Variants in PIGK observed in about 807,000 individuals in gnomAD.
PIGK encodes GPI-anchor transamidase.
Under a neutral mutation model 50.6 loss-of-function variants are expected in PIGK, and 42 were observed. The ratio of observed to expected loss-of-function variants is 0.83; its 90% CI spans 0.65 to 1.07. The LOEUF is 1.07. Ranked by LOEUF, PIGK falls within the 50% of genes least tolerant of loss-of-function variation. The probability of loss-of-function intolerance (pLI) is 0.00; values close to 1 mark genes in which losing one functional copy is unlikely to be tolerated. For synonymous variants in PIGK, 151 were observed against 156.0 expected (o/e 0.97, Z 0.24); for missense variants, 448 against 488.7 (o/e 0.92, Z 0.78).
At chr1:77,140,202 T>C (rs533011740) in intron 9 of PIGK, among the ~76,000 whole-genome samples, 8 of 151,996 alleles carry the variant, frequency 5.3e-5, no homozygotes, top group Non-Finnish European at 1.0e-4. Context: ...CCGCAAGATA[T>C]GGTCGTTTAA....
intron 3 of PIGK, among the ~76,000 whole-genome samples, chr1:77,185,589 G>A (rs1655721302): frequency 6.6e-6 from 1 of 152,088 alleles, no homozygotes; most frequent in Non-Finnish European, 1.5e-5. Context: ...GATTTTGGAG[G>A]CAACACATTC....
At chr1:77,145,260 AT>A (rs1166009118) in intron 9 of PIGK, among the ~76,000 whole-genome samples, 1 of 151,936 alleles carries the variant, frequency 6.6e-6, no homozygotes, top group East Asian at 1.9e-4. Context: ...AATATATACT[AT>A]AGTAGGTCCT....
intron 3 of PIGK, among the ~76,000 whole-genome samples, chr1:77,172,881 G>A (rs891188247): frequency 3.9e-5 from 6 of 152,092 alleles, no homozygotes; most frequent in Non-Finnish European, 7.4e-5. Context: ...CCGAGATCAC[G>A]CCACTGCACT....
chr1:77,206,663 G>A lies in PIGK; in HGVS notation c.216C>T (p.Val72=), dbSNP rs759278633. 1 of 1,608,132 alleles carries A rather than the reference G, an allele frequency of 6.2e-7. No homozygotes were observed. The highest frequency in any genetic ancestry group is 8.5e-7 in the Non-Finnish European group (1 of 1,174,996). ...ACCTGTCAGGAATACCTAGCCTCTT[G>A]ACACTTCTATAAACAGAAAGGGTAT... ...VANTLSVYRS[V]KRLGIPDSHI... is the part of the protein sequence containing the mutation. Residue 72 remains valine, a synonymous_variant, in exon 3 of 11, where the codon GTC becomes GTT. Transcript: ENST00000370812.
chr1:77,204,801 C>T (rs839814), intron 3 of PIGK, among the ~76,000 whole-genome samples: 25,938 of 152,062 alleles, frequency 0.17, 3,745 homozygotes, highest in African/African-American at 0.39. Context: ...AAAATACAAA[C>T]TGTGTTTGCT....
At chr1:77,106,350 G>A (rs928781022) in intron 10 of PIGK, among the ~76,000 whole-genome samples, 1 of 152,084 alleles carries the variant, frequency 6.6e-6, no homozygotes, top group African/African-American at 2.4e-5. Context: ...GCCTCCCACT[G>A]TGCTTAAATG....
At chr1:77,184,404 C>T (rs950112517) in intron 3 of PIGK, among the ~76,000 whole-genome samples, 2 of 152,112 alleles carry the variant, frequency 1.3e-5, no homozygotes, top group Non-Finnish European at 2.9e-5. Context: ...GGTCAGGTCC[C>T]CTTGAGGAAG....
At chr1:77,139,368 T>C (rs1400005450) in intron 9 of PIGK, among the ~76,000 whole-genome samples, 1 of 151,672 alleles carries the variant, frequency 6.6e-6, no homozygotes, top group African/African-American at 2.4e-5. Flanking sequence ...CACAGTCCCC[T>C]GTAAAGGTTT....
At chr1:77,116,591 T>C (rs1188749105) in intron 10 of PIGK, among the ~76,000 whole-genome samples, 190 of 66,478 alleles carry the variant, frequency 2.9e-3, no homozygotes, top group African/African-American at 0.011. Context: ...TGTGTGTGTG[T>C]GTGTGCGCGT....
chr1:77,149,601 C>A (rs1418890161), intron 9 of PIGK, among the ~76,000 whole-genome samples: 1 of 151,904 alleles, frequency 6.6e-6, no homozygotes, highest in African/African-American at 2.4e-5. Flanking sequence ...AAATATAAAG[C>A]AAATATGATT....
At chr1:77,146,996 G>A (rs1391565558) in intron 9 of PIGK, among the ~76,000 whole-genome samples, 7 of 151,626 alleles carry the variant, frequency 4.6e-5, no homozygotes, top group Non-Finnish European at 1.0e-4. Context: ...AGGAGGGGAG[G>A]GGAGGTGCAT....
intron 3 of PIGK, among the ~76,000 whole-genome samples, chr1:77,182,582 G>T: frequency 6.6e-6 from 1 of 151,884 alleles, no homozygotes; most frequent in South Asian, 2.1e-4. Context: ...ATATATATTT[G>T]CATACTATTA....
chr1:77,099,671 A>G (rs1031496097), intron 10 of PIGK, among the ~76,000 whole-genome samples: 4 of 152,180 alleles, frequency 2.6e-5, no homozygotes, highest in Non-Finnish European at 4.4e-5. Flanking sequence ...GACATTTTAC[A>G]ATGATTTTAC....
At chr1:77,099,881 G>A (rs1239733507) in intron 10 of PIGK, among the ~76,000 whole-genome samples, 1 of 152,030 alleles carries the variant, frequency 6.6e-6, no homozygotes, top group Non-Finnish European at 1.5e-5. Flanking sequence ...TTCACAATAA[G>A]TTACAATACA....
At chr1:77,161,062 A>C (rs1655117188) in intron 8 of PIGK, among the ~76,000 whole-genome samples, 1 of 152,212 alleles carries the variant, frequency 6.6e-6, no homozygotes, top group Admixed American at 6.5e-5. Flanking sequence ...AATCTAAAAA[A>C]AGTACATTTC....
chr1:77,106,741 T>C (rs1653688450), intron 10 of PIGK, among the ~76,000 whole-genome samples: 1 of 152,122 alleles, frequency 6.6e-6, no homozygotes. Flanking sequence ...AATTTAGTTA[T>C]ACTAGATACA....
At chr1:77,165,024 T>C (rs1277420264) in intron 5 of PIGK, among the ~76,000 whole-genome samples, 2 of 152,186 alleles carry the variant, frequency 1.3e-5, no homozygotes, top group African/African-American at 4.8e-5. Flanking sequence ...TACTGAACTC[T>C]GCTGTGGTAG....
chr1:77,111,573 C>G (rs1653844985), intron 10 of PIGK, among the ~76,000 whole-genome samples: 2 of 141,644 alleles, frequency 1.4e-5, no homozygotes. Flanking sequence ...CACTTGGACA[C>G]AGGAAGGAGA....
At chr1:77,119,099 T>C (rs1450011650) in intron 10 of PIGK, among the ~76,000 whole-genome samples, 1 of 152,214 alleles carries the variant, frequency 6.6e-6, no homozygotes, top group South Asian at 2.1e-4. Context: ...TATTCTGATA[T>C]CCGGTAAAAC....
Sources: allele counts gnomAD v4.1 joint callset (sites outside exome capture counted in the v4.1 genomes callset), GRCh38; gene constraint gnomAD v4.1.1; transcripts MANE v1.5; gene names NCBI Gene and HGNC (gene_info 2026-07-23, HGNC 2026-07-21).